The following AIFM1 variants were observed in gnomAD, a reference collection of about 807,000 sequenced individuals.
The protein encoded by AIFM1 is apoptosis-inducing factor 1, mitochondrial.
A neutral mutation model predicts 51.7 loss-of-function variants in AIFM1; 3 were observed. The ratio of observed to expected loss-of-function variants is 0.06; its 90% CI spans 0.03 to 0.15. AIFM1 has a LOEUF of 0.15. Among genes scored for constraint, AIFM1 ranks in the 10% least tolerant of loss-of-function variants. AIFM1 has a pLI of 1.00. For synonymous variants in AIFM1, 178 were observed against 179.4 expected, an observed-to-expected ratio of 0.99 and a Z score of 0.06; for missense variants, 330 against 476.8, an observed-to-expected ratio of 0.69 and a Z score of 2.87.
chrX:130,130,681 G>A (rs1229649128), intron 14 of AIFM1, among the ~76,000 whole-genome samples: 1 of 112,513 alleles, frequency 8.9e-6, no homozygotes, highest in Non-Finnish European at 1.9e-5. Context: ...GAGCAGAGAT[G>A]GAACATTTCC....
At chrX:130,139,167 AC>A (rs1376263488) in intron 8 of AIFM1, among the ~76,000 whole-genome samples, 1 of 108,580 alleles carries the variant, frequency 9.2e-6, no homozygotes, top group Non-Finnish European at 1.9e-5. Context: ...TACTAAAAAT[AC>A]AAAAAAAAAA....
chrX:130,149,568 C>A lies in AIFM1; in HGVS notation c.250G>T (p.Ala84Ser). The change falls in exon 3 of 16, where the codon GCC (alanine) becomes TCC (serine). Residue 84 changes from alanine (A) to serine (S), a missense_variant and splice_region_variant. Physicochemically the swap from Ala to Ser is moderately conservative, Grantham distance 99. This residue lies in a region of AIFM1 where 110 missense variants were observed against 103.1 expected (regional missense o/e 1.07). Transcript: ENST00000287295. ...TCATCCTCTTTCATAGTCTTGTAGG[C>A]CTGCGGATCCAAACATGGAGAAAGT... Reference protein sequence around the residue: ...GLSTVGAGAYAYKTMKEDEKR... With the variant: ...GLSTVGAGAYSYKTMKEDEKR... 1 of 1,179,170 alleles carries A rather than the reference C, an allele frequency of 8.5e-7. No individual in the cohort carries two copies. Among genetic ancestry groups the A allele is most frequent in the Non-Finnish European group, 1.2e-6 (1 of 866,427 alleles).
chrX:130,139,749 ACTT>A (rs1332388941), intron 8 of AIFM1, 43 bp downstream of exon 8: 3 of 1,166,197 alleles, frequency 2.6e-6, no homozygotes, highest in Admixed American at 4.4e-5. Context: ...AGATTATACT[ACTT>A]CTTCAAAAAC....
intron 6 of AIFM1, among the ~76,000 whole-genome samples, chrX:130,144,301 C>T (rs189648094): frequency 9.0e-6 from 1 of 111,399 alleles, no homozygotes; most frequent in African/African-American, 3.3e-5. Flanking sequence ...ATCCTCCTCA[C>T]GGCCAATGGT....
At chrX:130,154,145 G>C (rs1364611835) in intron 2 of AIFM1, among the ~76,000 whole-genome samples, 1 of 112,345 alleles carries the variant, frequency 8.9e-6, no homozygotes, top group African/African-American at 3.2e-5. Flanking sequence ...TAATACGGTA[G>C]CTTTATTATT....
chrX:130,138,660 G>C lies in AIFM1; in HGVS notation c.900C>G (p.Val300=). The C allele has an allele frequency of 8.3e-7, 1 of 1,209,368 alleles. No individual in the cohort carries two copies. The highest frequency in any genetic ancestry group is 1.1e-6 in the Non-Finnish European group (1 of 893,883). Residue 300 remains valine, a synonymous_variant, in exon 9 of 16, where the codon GTC becomes GTG. Transcript: ENST00000287295. ...CCCCACCGATAATCGTAATTGATTT[G>C]ACTTCCCGTGAAATCTTCTCCAAGC... ...FRSLEKISRE[V]KSITIIGGGF...
chrX:130,159,965 C>T (rs754634624), intron 1 of AIFM1, among the ~76,000 whole-genome samples: 2 of 109,748 alleles, frequency 1.8e-5, no homozygotes, highest in Non-Finnish European at 1.9e-5. Context: ...GGACTACAGG[C>T]GTGAGCCACC....
Position 130,149,501 on chromosome X carries a change from G to A in AIFM1, c.317C>T (p.Pro106Leu). Residue 106 changes from proline to leucine, a missense_variant, in exon 3 of 16, where the codon CCA (proline) becomes CTA (leucine). Transcript: ENST00000287295. The stretch of plus-strand genomic sequence containing the variant: ...CGCGGCCTTTTTCTGTTTCTGTTCT[G>A]GTGTCAGCCCTAACCCTGAAATTCT... Reference protein sequence around the residue: ...NERISGLGLTPEQKQKKAALS... With the variant: ...NERISGLGLTLEQKQKKAALS... The A allele has an allele frequency of 1.7e-6, 2 of 1,210,705 alleles. No homozygotes were observed. The highest frequency in any genetic ancestry group is 2.2e-6 in the Non-Finnish European group (2 of 894,675).
At chrX:130,145,743 C>G (rs764913233) in intron 5 of AIFM1, among the ~76,000 whole-genome samples, 174 bp from the exon 6 acceptor site, 1 of 112,009 alleles carries the variant, frequency 8.9e-6, no homozygotes, top group Non-Finnish European at 1.9e-5. Flanking sequence ...GTATCCAGAT[C>G]AGTGGTTCTC....
At chrX:130,164,135 TCCA>T (rs2031450522) in intron 1 of AIFM1, among the ~76,000 whole-genome samples, 1 of 96,758 alleles carries the variant, frequency 1.0e-5, no homozygotes, top group Non-Finnish European at 2.0e-5. Context: ...GCCACTGCAC[TCCA>T]GCCTGGGCGA....
chrX:130,158,704 T>TAAAAAAAAAAAAA (rs56253125), intron 1 of AIFM1, among the ~76,000 whole-genome samples: 1 of 44,078 alleles, frequency 2.3e-5, no homozygotes, highest in African/African-American at 8.9e-5. Context: ...GCTGATGAGC[T>TAAAAAAAAAAAAA]AAAAAAAAAA....
intron 12 of AIFM1, among the ~76,000 whole-genome samples, chrX:130,133,795 A>ATTTTT (rs779208595): frequency 1.0e-5 from 1 of 99,867 alleles, no homozygotes; most frequent in African/African-American, 3.6e-5. Context: ...GCCTGGCTAA[A>ATTTTT]TTTTTTTTTT....
Position 130,138,267 on chromosome X carries a change from A to C in AIFM1, c.967+326T>G, listed in dbSNP as rs768793589. Among the ~76,000 whole-genome samples, 971 of 110,683 alleles carry C rather than the reference A, an allele frequency of 8.8e-3. 7 individuals are homozygous for C. Among genetic ancestry groups the C allele is most frequent in the Middle Eastern group, 0.023 (5 of 217 alleles). ...GATCACCAGGTCAGGAGATCGAGAC[A>C]GTCCTGGCTAACACGGTGAAACCCC... On this transcript the variant is annotated intron_variant, in intron 9 of 15. Transcript: ENST00000287295.
chrX:130,141,848 CTCAG>C (rs1451034350), intron 6 of AIFM1, among the ~76,000 whole-genome samples: 5 of 111,981 alleles, frequency 4.5e-5, no homozygotes, highest in African/African-American at 1.6e-4. Flanking sequence ...TCAGCTTTCG[CTCAG>C]TCTGTCTCCT....
chrX:130,151,122 G>GCT (rs1312345585), intron 2 of AIFM1, among the ~76,000 whole-genome samples: 1 of 108,999 alleles, frequency 9.2e-6, no homozygotes, highest in Non-Finnish European at 1.9e-5. Context: ...ACAATCAGAG[G>GCT]AACTATCATA....
intron 1 of AIFM1, among the ~76,000 whole-genome samples, chrX:130,157,146 T>C (rs1922943135): frequency 8.9e-6 from 1 of 111,851 alleles, no homozygotes; most frequent in African/African-American, 3.2e-5. Context: ...TTTTAATGAG[T>C]TTCTCTCCCC....
intron 9 of AIFM1, among the ~76,000 whole-genome samples, 159 bp downstream of exon 9, chrX:130,138,434 C>T (rs1475566052): frequency 9.0e-6 from 1 of 111,680 alleles, no homozygotes; most frequent in Non-Finnish European, 1.9e-5. Context: ...CACTGCACTC[C>T]AGCCTGGGTG....
intron 9 of AIFM1, chrX:130,137,871 T>C: frequency 2.3e-6 from 1 of 441,069 alleles, no homozygotes. Context: ...AAGACCAGCC[T>C]GACCAACATG....
chrX:130,132,355 C>T, intron 13 of AIFM1, among the ~76,000 whole-genome samples: 1 of 112,454 alleles, frequency 8.9e-6, no homozygotes, highest in African/African-American at 3.2e-5. Flanking sequence ...TTGAAACGTT[C>T]TTGAATTTAT....
Sources: gnomAD v4.1 joint callset for allele counts (sites outside exome capture counted in the v4.1 genomes callset) on GRCh38, gnomAD v4.1.1 for gene constraint, gnomAD v4.1.1 regional missense constraint, MANE v1.5 for transcripts, NCBI Gene and HGNC (gene_info 2026-07-23, HGNC 2026-07-21) for gene names.